TXNL4A: variants seen among roughly 807,000 people sequenced by gnomAD.
TXNL4A encodes the protein thioredoxin like 4A.
Under a neutral mutation model 14.6 loss-of-function variants are expected in TXNL4A, and 17 were observed. The ratio of observed to expected loss-of-function variants is 1.16; its 90% confidence interval spans 0.80 to 1.74. The LOEUF (loss-of-function observed/expected upper bound fraction) is 1.74. TXNL4A is among the 40% of genes most tolerant of loss of function. TXNL4A has a pLI of 0.00. For synonymous variants in TXNL4A, 83 were observed against 70.6 expected (o/e 1.18, Z -0.88); for missense variants, 74 against 195.2 (o/e 0.38, Z 3.70).
intron 1 of TXNL4A, among the ~76,000 whole-genome samples, chr18:80,017,781 A>G (rs2145121987): frequency 6.6e-6 from 1 of 152,074 alleles, no homozygotes; most frequent in African/African-American, 2.4e-5. Flanking sequence ...TTTATTGAGG[A>G]TTTTTACATC....
intron 1 of TXNL4A, among the ~76,000 whole-genome samples, chr18:79,996,842 C>T (rs1041111626): frequency 2.0e-5 from 3 of 152,184 alleles, no homozygotes; most frequent in African/African-American, 4.8e-5. Context: ...ACTTGGGAGG[C>T]TGAGGCAGGA....
At chr18:79,986,060 ACAGAGT>A (rs2051542727) in intron 1 of TXNL4A, among the ~76,000 whole-genome samples, 1 of 149,216 alleles carries the variant, frequency 6.7e-6, no homozygotes, top group Non-Finnish European at 1.5e-5. Context: ...TTTTTTGGAG[ACAGAGT>A]CTCACTCCTG....
intron 1 of TXNL4A, among the ~76,000 whole-genome samples, chr18:80,003,646 C>A (rs28625820): frequency 0.044 from 6,654 of 152,198 alleles, 496 homozygotes; most frequent in African/African-American, 0.15. Context: ...TTAAAAGCTA[C>A]TTTTAAGAAG....
At chr18:80,032,815 G>T (rs1297168146) in intron 1 of TXNL4A, among the ~76,000 whole-genome samples, 1 of 152,220 alleles carries the variant, frequency 6.6e-6, no homozygotes, top group Non-Finnish European at 1.5e-5. Context: ...CCTCCAGCCT[G>T]GGCGGCAGAG....
intron 1 of TXNL4A, among the ~76,000 whole-genome samples, chr18:80,024,197 AAAACTCCCTTTTTGT>A (rs1469685417): frequency 1.3e-5 from 2 of 151,846 alleles, no homozygotes; most frequent in African/African-American, 4.8e-5. Flanking sequence ...TAAAAAAAAA[AAAACTCCCTTTTTGT>A]GGGAGTTTTT....
rs969528879 is a variant in TXNL4A, at chr18:79,993,886, T to C, written c.-60-16185A>G. On this transcript the variant is annotated intron_variant, in intron 1 of 2. Coordinates refer to the TXNL4A transcript ENST00000585474. This position sits in a 1 kb window ranked among gnomAD's most constrained non-coding sequence, Gnocchi z 4.4. ...GTAGGTGCATATAAGGAGCTGACCC[T>C]TCCCACACCTGGAGCCCCTGACACA... Among the ~76,000 whole-genome samples, 2 of 152,150 alleles carry C rather than the reference T, an allele frequency of 1.3e-5. No individual in the cohort carries two copies. The highest frequency in any genetic ancestry group is 4.8e-5 in the African/African-American group (2 of 41,422).
At chr18:79,989,316 G>T (rs1234100838), upstream of TXNL4A, among the ~76,000 whole-genome samples, 1 of 151,920 alleles carries the variant, frequency 6.6e-6, no homozygotes, top group African/African-American at 2.4e-5. Flanking sequence ...AACCATGTTG[G>T]CCAGGCTGGT....
rs904902044 is a variant in TXNL4A at position 80,011,538 on chromosome 18, G to A, written c.-61+22313C>T. On this transcript the variant is annotated intron_variant, in intron 1 of 2. Transcript: ENST00000585474. This position sits in a 1 kb window ranked among gnomAD's most constrained non-coding sequence, Gnocchi z 4.1. The stretch of plus-strand genomic sequence containing the variant: ...TATTGTGGGAAAGAGTTTCTGGGGC[G>A]CCAGATGAGTTGGTCTCCCCTGTGT... Among the ~76,000 whole-genome samples the A allele has an allele frequency of 1.5e-4, 23 of 152,166 alleles. No homozygotes were observed. The highest frequency in any genetic ancestry group is 3.4e-3 in the Middle Eastern group (1 of 294).
intron 1 of TXNL4A, among the ~76,000 whole-genome samples, chr18:79,999,277 T>C (rs2051683083): frequency 6.6e-6 from 1 of 152,138 alleles, no homozygotes. Flanking sequence ...GACTCACGCC[T>C]GTAATCCCAG....
chr18:80,014,442 C>A (rs1460916855), intron 1 of TXNL4A, among the ~76,000 whole-genome samples: 3 of 152,192 alleles, frequency 2.0e-5, no homozygotes, highest in Non-Finnish European at 4.4e-5. Flanking sequence ...AGGACCCATG[C>A]AAGTCTGAAA....
chr18:79,986,115 C>T (rs1204458437), intron 1 of TXNL4A, among the ~76,000 whole-genome samples: 1 of 151,766 alleles, frequency 6.6e-6, no homozygotes, highest in African/African-American at 2.4e-5. Flanking sequence ...TCATGGCTCA[C>T]TGCAGTCTTG....
intron 1 of TXNL4A, among the ~76,000 whole-genome samples, chr18:80,027,080 G>T (rs1185697033): frequency 1.3e-5 from 2 of 152,090 alleles, no homozygotes; most frequent in African/African-American, 4.8e-5. Context: ...GCTTGCTCAA[G>T]GATGTCCGTT....
chr18:80,017,415 G>A lies in TXNL4A; in HGVS notation c.-61+16436C>T, dbSNP rs1405046281. ...CAACACTATGTTGAATAGGAGTGGT[G>A]AGAGAGGGCATCCCTGTCTTGTGCC... On this transcript the variant is annotated intron_variant, in intron 1 of 2. Coordinates refer to the TXNL4A transcript ENST00000585474. Among the ~76,000 whole-genome samples the A allele has an allele frequency of 2.0e-5, 3 of 151,476 alleles. No homozygotes were observed. In the East Asian group the frequency reaches 5.8e-4, roughly 29 times the overall value.
At chr18:80,033,822 G>A (rs1452369822) in intron 1 of TXNL4A, 1 of 34,420 alleles carries the variant, frequency 2.9e-5, no homozygotes, top group African/African-American at 1.3e-4. Context: ...CGCCCCCGTT[G>A]CCGCCCCCCC....
rs144373713 is a variant in TXNL4A at position 80,005,685 on chromosome 18, C to T, written c.-60-27984G>A. ...ATCCCAACACTTTGGGAGGCTGAGGCGGGCAGATCACTTGAGGTCAGAAGT... is the reference window on the plus strand; with the variant it reads ...ATCCCAACACTTTGGGAGGCTGAGGTGGGCAGATCACTTGAGGTCAGAAGT... On this transcript the variant is annotated intron_variant, in intron 1 of 2. Transcript: ENST00000585474. 8.5e-3 allele frequency among the ~76,000 whole-genome samples: 1,288 copies of T among 152,252 alleles called. 18 individuals carry two copies. Among genetic ancestry groups the T allele is most frequent in the South Asian group, 0.028 (133 of 4,814 alleles).
chr18:80,005,432 C>A (rs980813492), intron 1 of TXNL4A, among the ~76,000 whole-genome samples: 4 of 152,172 alleles, frequency 2.6e-5, no homozygotes, highest in Non-Finnish European at 4.4e-5. Flanking sequence ...TGTAGGTATT[C>A]ATTCTGTATT....
intron 1 of TXNL4A, among the ~76,000 whole-genome samples, chr18:80,026,797 C>T (rs2051887651): frequency 6.6e-6 from 1 of 152,156 alleles, no homozygotes; most frequent in Non-Finnish European, 1.5e-5. Flanking sequence ...ATCTCCTCAA[C>T]ATCCATAATG....
At chr18:79,988,669 C>G (rs918200975), upstream of TXNL4A, 7 of 270,142 alleles carry the variant, frequency 2.6e-5, no homozygotes, top group Non-Finnish European at 4.1e-5. Context: ...GTGTAGTTGG[C>G]CGGGTGGAGC....
In TXNL4A at chr18:80,010,406, G is replaced by A. The variant is rs780441972; in HGVS notation, c.-61+23445C>T. Among the ~76,000 whole-genome samples, 8 of 152,162 alleles carry A rather than the reference G, an allele frequency of 5.3e-5. No homozygotes were observed. In the East Asian group the frequency reaches 5.8e-4, roughly 11 times the overall value. ...CCCAGCACCAGTTAGAAGATGAAGC[G>A]ATGATTCACAGAGGCTGCTTAGCCT... On this transcript the variant is annotated intron_variant, in intron 1 of 2. Coordinates refer to the TXNL4A transcript ENST00000585474.
Sources: gnomAD v4.1 joint callset for allele counts (sites outside exome capture counted in the v4.1 genomes callset) on GRCh38, gnomAD v4.1.1 for gene constraint, Gnocchi (gnomAD v3.1) non-coding constraint, MANE v1.5 for transcripts, NCBI Gene and HGNC (gene_info 2026-07-23, HGNC 2026-07-21) for gene names.